AK4: variants seen among roughly 807,000 people sequenced by gnomAD.
The protein encoded by AK4 is adenylate kinase 4, mitochondrial.
AK4 carries 13 observed loss-of-function variants against 24.6 expected under a neutral mutation model. That is an observed-to-expected ratio of 0.53 (90% confidence interval 0.34 to 0.84). The LOEUF is 0.84. Among genes scored for constraint, AK4 ranks in the 40% least tolerant of loss-of-function variants. AK4 has a pLI of 0.01. For missense variants in AK4, 192 were observed against 288.2 expected (o/e 0.67, Z 2.42); for synonymous variants, 88 against 107.0 (o/e 0.82, Z 1.10).
intron 2 of AK4, among the ~76,000 whole-genome samples, chr1:65,205,314 G>A (rs1189694644): frequency 6.6e-6 from 1 of 152,096 alleles, no homozygotes; most frequent in African/African-American, 2.4e-5. Context: ...CGTGTTAATA[G>A]CTTGCTGCAC....
chr1:65,168,251 A>G (rs1241043206), intron 1 of AK4, among the ~76,000 whole-genome samples: 1 of 148,222 alleles, frequency 6.7e-6, no homozygotes, highest in Non-Finnish European at 1.5e-5. Context: ...GGTTCAAGCT[A>G]TTCTCCTGCC....
chr1:65,205,226 C>T (rs1481420497), intron 2 of AK4, among the ~76,000 whole-genome samples: 4 of 151,984 alleles, frequency 2.6e-5, no homozygotes. Context: ...GGCCTGGTTC[C>T]CCATTTTATT....
chr1:65,183,819 A>G (rs1369700463), intron 1 of AK4, among the ~76,000 whole-genome samples: 1 of 151,728 alleles, frequency 6.6e-6, no homozygotes, highest in Admixed American at 6.6e-5. Flanking sequence ...CCAACATCCT[A>G]CTCCTTCAGC....
At chr1:65,215,245 C>T (rs2101078912) in intron 2 of AK4, among the ~76,000 whole-genome samples, 1 of 151,852 alleles carries the variant, frequency 6.6e-6, no homozygotes, top group South Asian at 2.1e-4. Flanking sequence ...GATCTCTACT[C>T]ACTGCAATCT....
At chr1:65,224,316 T>G (rs925892335) in intron 3 of AK4, among the ~76,000 whole-genome samples, 1 of 152,178 alleles carries the variant, frequency 6.6e-6, no homozygotes. Context: ...TCTCCTAGAT[T>G]AGTATTTTTC....
intron 1 of AK4, among the ~76,000 whole-genome samples, chr1:65,174,815 A>G (rs1650657577): frequency 6.6e-6 from 1 of 152,346 alleles, no homozygotes; most frequent in East Asian, 1.9e-4. Context: ...TATTTCTTCA[A>G]CCACAAACCA....
chr1:65,206,111 A>G (rs1159358494), intron 2 of AK4, among the ~76,000 whole-genome samples: 1 of 152,152 alleles, frequency 6.6e-6, no homozygotes, highest in Non-Finnish European at 1.5e-5. Context: ...TTATAATGTG[A>G]CATTATGTAT....
chr1:65,172,062 A>AATATATATATAT (rs1406842262), intron 1 of AK4, among the ~76,000 whole-genome samples: 10 of 29,910 alleles, frequency 3.3e-4, no homozygotes, highest in Non-Finnish European at 7.4e-4. Flanking sequence ...CTCCATCTCA[A>AATATATATATAT]GTATATATAT....
chr1:65,177,906 G>T (rs901327435), intron 1 of AK4, among the ~76,000 whole-genome samples: 9 of 151,428 alleles, frequency 5.9e-5, no homozygotes, highest in Non-Finnish European at 1.3e-4. Flanking sequence ...GTTATTCAAG[G>T]CTTGCCAAAG....
chr1:65,149,854 A>G (rs963273167), intron 1 of AK4, among the ~76,000 whole-genome samples: 2 of 152,086 alleles, frequency 1.3e-5, no homozygotes, highest in Non-Finnish European at 2.9e-5. Flanking sequence ...AAGTGCGCCT[A>G]TTTTGATTTT....
chr1:65,224,954 A>G, intron 4 of AK4, 84 bp downstream of exon 4: 1 of 1,043,496 alleles, frequency 9.6e-7, no homozygotes, highest in Non-Finnish European at 1.5e-6. Context: ...GCTGAGGCAG[A>G]GTAGTGTTTC....
At chr1:65,218,588 T>C (rs1019754175) in intron 2 of AK4, among the ~76,000 whole-genome samples, 166 bp from the exon 3 acceptor site, 1 of 152,232 alleles carries the variant, frequency 6.6e-6, no homozygotes, top group Non-Finnish European at 1.5e-5. Flanking sequence ...ATGGATTTAT[T>C]ATGTGGTGCT....
chr1:65,182,574 A>T (rs1650947988), intron 1 of AK4, among the ~76,000 whole-genome samples: 1 of 152,136 alleles, frequency 6.6e-6, no homozygotes, highest in Non-Finnish European at 1.5e-5. Flanking sequence ...TGCTTAAAGT[A>T]TTAGTAGTTG....
At chr1:65,162,414 A>G in intron 1 of AK4, among the ~76,000 whole-genome samples, 1 of 152,202 alleles carries the variant, frequency 6.6e-6, no homozygotes, top group East Asian at 1.9e-4. Context: ...GCCTTGAGGC[A>G]TGGCCAGGAG....
At chr1:65,188,611 T>C (rs1412839736) in intron 1 of AK4, among the ~76,000 whole-genome samples, 1 of 151,662 alleles carries the variant, frequency 6.6e-6, no homozygotes, top group Non-Finnish European at 1.5e-5. Flanking sequence ...CCCGAGTAGC[T>C]GGGACTACAG....
At chr1:65,148,786 C>T (rs1649661001) in intron 1 of AK4, among the ~76,000 whole-genome samples, 1 of 150,306 alleles carries the variant, frequency 6.7e-6, no homozygotes, top group South Asian at 2.1e-4. Flanking sequence ...CTCTCCACCG[C>T]TCCTCCTGTC....
At chr1:65,216,287 C>A (rs1652128551) in intron 2 of AK4, among the ~76,000 whole-genome samples, 1 of 152,162 alleles carries the variant, frequency 6.6e-6, no homozygotes, top group Non-Finnish European at 1.5e-5. Context: ...CATGCGCCAC[C>A]AGGCCCAGCT....
intron 1 of AK4, among the ~76,000 whole-genome samples, chr1:65,166,413 C>T (rs1187418412): frequency 1.3e-5 from 2 of 151,786 alleles, no homozygotes; most frequent in African/African-American, 4.8e-5. Flanking sequence ...GTTGTGCTGT[C>T]CTTCTATTTT....
At chr1:65,172,593 C>T (rs906805591) in intron 1 of AK4, among the ~76,000 whole-genome samples, 3 of 152,110 alleles carry the variant, frequency 2.0e-5, no homozygotes, top group Non-Finnish European at 4.4e-5. Flanking sequence ...GCCTGATGCA[C>T]TACAGGCGGT....
Sources: allele counts gnomAD v4.1 joint callset (sites outside exome capture counted in the v4.1 genomes callset), GRCh38; gene constraint gnomAD v4.1.1; transcripts MANE v1.5; gene names NCBI Gene and HGNC (gene_info 2026-07-23, HGNC 2026-07-21).